The following AOPEP variants were observed in gnomAD, a reference collection of about 807,000 sequenced individuals.
AOPEP encodes aminopeptidase O (putative), also known as aminopeptidase O.
A neutral mutation model predicts 98.1 loss-of-function variants in AOPEP; 77 were observed. That is an observed-to-expected ratio of 0.78 (90% confidence interval 0.65 to 0.95). AOPEP has a LOEUF of 0.95. Ranked by LOEUF, AOPEP falls within the 40% of genes least tolerant of loss-of-function variation. AOPEP has a pLI of 0.00. For missense variants in AOPEP, 1,024 were observed against 1,024.7 expected (o/e 1.00, Z 0.01); for synonymous variants, 346 against 365.3 (o/e 0.95, Z 0.60).
intron 5 of AOPEP, among the ~76,000 whole-genome samples, chr9:94,848,085 A>G (rs1229578552): frequency 6.6e-6 from 1 of 152,144 alleles, no homozygotes; most frequent in African/African-American, 2.4e-5. Flanking sequence ...GCAGTTACTT[A>G]TTAGATTCTC....
chr9:95,110,285 C>T, the AOPEP span: 1 of 1,012,856 alleles, frequency 9.9e-7, no homozygotes, highest in South Asian at 4.7e-5. Flanking sequence ...TGTCAGTAAC[C>T]TTTTGACTGT....
chr9:95,099,216 T>C, the AOPEP span: 3 of 217,896 alleles, frequency 1.4e-5, no homozygotes, highest in Non-Finnish European at 2.8e-5. Context: ...TCTCTGAGGG[T>C]AGTGGTTTTA....
chr9:94,989,689 G>A (rs2060767281), intron 11 of AOPEP, among the ~76,000 whole-genome samples: 1 of 145,698 alleles, frequency 6.9e-6, no homozygotes, highest in African/African-American at 2.6e-5. Context: ...TCAGCTCACT[G>A]CAACCTCCAC....
chr9:94,760,505 C>G lies in AOPEP; in HGVS notation c.722C>G (p.Pro241Arg), dbSNP rs1838000676. ...GGGGCTCAGACAGCTACTGACTTTC[C>G]TCATGCTATCAGGATATGGTACAAA... ...KTGAQTATDFPHAIRIWYKTK... is the reference protein window; with the variant it reads ...KTGAQTATDFRHAIRIWYKTK... The change falls in exon 2 of 17, where the codon CCT (proline) becomes CGT (arginine). Residue 241 changes from proline (P) to arginine (R), a missense_variant. Physicochemically the swap from Pro to Arg is moderately radical, Grantham distance 103. Transcript: ENST00000375315. The G allele has an allele frequency of 6.2e-7, 1 of 1,607,620 alleles. No individual in the cohort carries two copies. The highest frequency in any genetic ancestry group is 8.5e-7 in the Non-Finnish European group (1 of 1,177,756).
At chr9:94,910,797 A>T (rs559060081) in intron 5 of AOPEP, among the ~76,000 whole-genome samples, 3 of 152,290 alleles carry the variant, frequency 2.0e-5, no homozygotes, top group African/African-American at 4.8e-5. Context: ...GGGAGGGGCC[A>T]GTCTATTAGG....
intron 11 of AOPEP, among the ~76,000 whole-genome samples, chr9:95,001,139 G>C (rs10512251): frequency 0.041 from 6,315 of 152,244 alleles, 446 homozygotes; most frequent in African/African-American, 0.14. Context: ...GTAACAATGT[G>C]AAGTTGGTCT....
At chr9:95,000,208 A>G (rs906116963) in intron 11 of AOPEP, among the ~76,000 whole-genome samples, 1 of 152,222 alleles carries the variant, frequency 6.6e-6, no homozygotes, top group Non-Finnish European at 1.5e-5. Flanking sequence ...AATAACAGGT[A>G]AAAACAAACC....
Position 94,760,123 on chromosome 9 carries a change from G to A in AOPEP, c.340G>A (p.Gly114Ser). The A allele has an allele frequency of 3.7e-6, 6 of 1,614,108 alleles. No individual in the cohort carries two copies. Among genetic ancestry groups the A allele is most frequent in the Non-Finnish European group, 4.2e-6 (5 of 1,180,010 alleles). ...KGEKDTSDKD[G>S]NHDNQEHASG... ...TGAAAAAGATACTTCTGATAAAGAT[G>A]GTAACCATGACAACCAGGAACATGC... Residue 114 changes from glycine to serine, a missense_variant, in exon 2 of 17, where the codon GGT (glycine) becomes AGT (serine). Gly to Ser is a moderately conservative substitution (Grantham distance 56). Transcript: ENST00000375315.
At chr9:94,835,959 T>C (rs2041548725) in intron 5 of AOPEP, among the ~76,000 whole-genome samples, 1 of 152,196 alleles carries the variant, frequency 6.6e-6, no homozygotes, top group South Asian at 2.1e-4. Flanking sequence ...CCCAAATCAC[T>C]AGTCAATCCC....
intron 13 of AOPEP, among the ~76,000 whole-genome samples, chr9:95,057,266 C>G (rs971530018): frequency 1.3e-5 from 2 of 152,222 alleles, no homozygotes; most frequent in African/African-American, 4.8e-5. Context: ...GCCTTTCAGT[C>G]TTAAATTCAG....
intron 5 of AOPEP, among the ~76,000 whole-genome samples, chr9:94,874,934 G>T (rs1412431754): frequency 1.3e-5 from 2 of 152,038 alleles, no homozygotes; most frequent in African/African-American, 4.8e-5. Context: ...ATAATATCCT[G>T]CCAAACATGA....
In AOPEP at chr9:94,886,569, A is replaced by G. The variant is rs185199492; in HGVS notation, c.1365-37417A>G. Among the ~76,000 whole-genome samples the G allele has an allele frequency of 6.4e-4, 97 of 152,314 alleles. No homozygotes were observed. In the East Asian group the frequency reaches 0.016, roughly 25 times the overall value. On this transcript the variant is annotated intron_variant, in intron 5 of 16. Coordinates refer to ENST00000375315, the MANE Select transcript of AOPEP (RefSeq NM_001193329.3). Reference sequence around the variant, plus strand: ...TCTTTTCAAATTTTTTGCAACAAACATATTAGTTTCTGAGTTAGCATTAAG... The same window carrying G: ...TCTTTTCAAATTTTTTGCAACAAACGTATTAGTTTCTGAGTTAGCATTAAG...
chr9:94,925,317 T>A (rs2054158122), intron 6 of AOPEP, among the ~76,000 whole-genome samples: 1 of 152,248 alleles, frequency 6.6e-6, no homozygotes. Context: ...GGTCACTTTT[T>A]TCCCCCTGTC....
At chr9:95,111,528 G>C in the AOPEP span, 1 of 1,614,150 alleles carries the variant, frequency 6.2e-7, no homozygotes. Context: ...AGCCACAGCA[G>C]GGCCGTGGGG....
chr9:95,078,498 A>G (rs914679831), intron 14 of AOPEP, among the ~76,000 whole-genome samples: 1 of 152,258 alleles, frequency 6.6e-6, no homozygotes, highest in Non-Finnish European at 1.5e-5. Flanking sequence ...CACTTTAAAG[A>G]ACACTTAGAA....
intron 10 of AOPEP, among the ~76,000 whole-genome samples, chr9:94,975,612 C>T (rs2138578437): frequency 6.6e-6 from 1 of 152,356 alleles, no homozygotes; most frequent in Admixed American, 6.5e-5. Context: ...AACCCTGCAG[C>T]TGGACTGCTT....
chr9:95,085,846 T>C (rs2070598712), intron 16 of AOPEP: 15 of 1,135,268 alleles, frequency 1.3e-5, no homozygotes, highest in Non-Finnish European at 1.6e-5. Context: ...ATGTGGTAGC[T>C]CATGGCTGTG....
intron 5 of AOPEP, among the ~76,000 whole-genome samples, chr9:94,855,907 A>T (rs1198191291): frequency 2.6e-5 from 4 of 152,204 alleles, no homozygotes; most frequent in Non-Finnish European, 5.9e-5. Context: ...AATATATATA[A>T]CAAAGGACAG....
At chr9:95,121,077 T>A in the AOPEP span, among the ~76,000 whole-genome samples, 1 of 152,238 alleles carries the variant, frequency 6.6e-6, no homozygotes, top group Non-Finnish European at 1.5e-5. Flanking sequence ...CTTTTTCAGG[T>A]GCTCTGTAGT....
Sources: gnomAD v4.1 joint callset for allele counts (sites outside exome capture counted in the v4.1 genomes callset) on GRCh38, gnomAD v4.1.1 for gene constraint, MANE v1.5 for transcripts, NCBI Gene and HGNC (gene_info 2026-07-23, HGNC 2026-07-21) for gene names.